The following ENOX1 variants were observed in gnomAD, a reference collection of about 807,000 sequenced individuals.
ENOX1 encodes ecto-NOX disulfide-thiol exchanger 1, also known as candidate growth-related and time keeping constitutive hydroquinone (NADH) oxidase.
Under a neutral mutation model 82.5 loss-of-function variants are expected in ENOX1, and 42 were observed. The ratio of observed to expected loss-of-function variants is 0.51; its 90% CI spans 0.40 to 0.66. The LOEUF (loss-of-function observed/expected upper bound fraction) is 0.66, where lower values mean the gene tolerates loss of function less well. Ranked by LOEUF, ENOX1 falls within the 30% of genes least tolerant of loss-of-function variation. The pLI, the probability that ENOX1 is intolerant of heterozygous loss-of-function variation, is 0.00. For synonymous variants in ENOX1, 271 were observed against 282.2 expected (o/e 0.96, Z 0.40); for missense variants, 608 against 811.6 (o/e 0.75, Z 3.05).
chr13:43,641,160 T>C (rs1306549085), intron 2 of ENOX1, among the ~76,000 whole-genome samples: 1 of 152,156 alleles, frequency 6.6e-6, no homozygotes, highest in East Asian at 1.9e-4. Context: ...TCAAGGTATA[T>C]CTGATCAGGA....
At chr13:43,256,469 CAAAT>C (rs2043752111) in intron 14 of ENOX1, among the ~76,000 whole-genome samples, 1 of 151,924 alleles carries the variant, frequency 6.6e-6, no homozygotes, top group Non-Finnish European at 1.5e-5. Flanking sequence ...AGCAAAAAGA[CAAAT>C]AATCTGATTA....
chr13:43,690,827 C>T (rs1055450320), intron 1 of ENOX1, among the ~76,000 whole-genome samples: 11 of 152,132 alleles, frequency 7.2e-5, no homozygotes, highest in African/African-American at 2.7e-4. Context: ...AACTGAGAAA[C>T]CACTACTTGT....
At chr13:43,493,953 G>A (rs112979793) in intron 2 of ENOX1, among the ~76,000 whole-genome samples, 2,012 of 152,232 alleles carry the variant, frequency 0.013, 45 homozygotes, top group African/African-American at 0.046. Flanking sequence ...AAGGTAAAGG[G>A]GAAGCAAGGC....
intron 5 of ENOX1, among the ~76,000 whole-genome samples, chr13:43,369,655 G>A (rs1184796302): frequency 3.3e-5 from 5 of 152,178 alleles, no homozygotes; most frequent in Non-Finnish European, 7.3e-5. Context: ...TGCATTTTCC[G>A]TTCAGTTTTC....
chr13:43,494,932 C>T (rs1223215617), intron 2 of ENOX1, among the ~76,000 whole-genome samples: 2 of 151,880 alleles, frequency 1.3e-5, no homozygotes, highest in Non-Finnish European at 2.9e-5. Context: ...ATGCAGTCAA[C>T]AATTATAGGA....
intron 1 of ENOX1, among the ~76,000 whole-genome samples, chr13:43,680,808 A>G (rs1287057088): frequency 2.6e-5 from 4 of 152,202 alleles, no homozygotes; most frequent in Non-Finnish European, 5.9e-5. Flanking sequence ...AACTGAAGCT[A>G]TAACAGATGT....
At chr13:43,692,772 A>G (rs1352398191) in intron 1 of ENOX1, among the ~76,000 whole-genome samples, 1 of 152,196 alleles carries the variant, frequency 6.6e-6, no homozygotes, top group African/African-American at 2.4e-5. Flanking sequence ...AAATACTCTG[A>G]GTTATTGAAG....
At chr13:43,559,005 C>A (rs2079557108) in intron 2 of ENOX1, among the ~76,000 whole-genome samples, 1 of 152,188 alleles carries the variant, frequency 6.6e-6, no homozygotes. Context: ...CTCTTCTCTG[C>A]AAACCACTCG....
intron 2 of ENOX1, among the ~76,000 whole-genome samples, chr13:43,540,208 C>CGGG (rs1312804226): frequency 1.1e-4 from 16 of 152,108 alleles, no homozygotes; most frequent in African/African-American, 3.4e-4. Flanking sequence ...CTATTCTGAA[C>CGGG]CAAGTATCAG....
At chr13:43,368,034 A>ATGT (rs2050963970) in intron 5 of ENOX1, among the ~76,000 whole-genome samples, 1 of 152,252 alleles carries the variant, frequency 6.6e-6, no homozygotes, top group South Asian at 2.1e-4. Flanking sequence ...CACACAGATT[A>ATGT]TGTTAACATA....
chr13:43,337,752 T>C (rs756836469), intron 9 of ENOX1, among the ~76,000 whole-genome samples: 5 of 151,364 alleles, frequency 3.3e-5, no homozygotes, highest in Non-Finnish European at 7.4e-5. Flanking sequence ...CACACACACA[T>C]ACACACACAC....
chr13:43,592,067 CA>C (rs1354598476), intron 2 of ENOX1, among the ~76,000 whole-genome samples: 1 of 152,186 alleles, frequency 6.6e-6, no homozygotes, highest in Non-Finnish European at 1.5e-5. Flanking sequence ...CCCTAATGAT[CA>C]CAATGCTTTC....
At chr13:43,413,613 T>C (rs1349766732) in intron 3 of ENOX1, among the ~76,000 whole-genome samples, 2 of 151,360 alleles carry the variant, frequency 1.3e-5, no homozygotes, top group African/African-American at 4.8e-5. Flanking sequence ...TTTGGTTTTT[T>C]CAGCTCATTG....
intron 14 of ENOX1, among the ~76,000 whole-genome samples, chr13:43,251,050 C>A (rs1311958988): frequency 6.6e-6 from 1 of 152,118 alleles, no homozygotes; most frequent in African/African-American, 2.4e-5. Context: ...GGGTAGGGCC[C>A]AGCAATCTGT....
chr13:43,443,042 T>A lies in ENOX1; in HGVS notation c.-74-30054A>T, dbSNP rs544165636. Among the ~76,000 whole-genome samples the A allele has an allele frequency of 6.7e-4, 102 of 152,312 alleles. 1 individual carries two copies. Among genetic ancestry groups the A allele is most frequent in the African/African-American group, 2.3e-3 (97 of 41,558 alleles). The stretch of plus-strand genomic sequence containing the variant: ...TCATTCTGGGAAAAATACTACCCTA[T>A]AAAAGCCACATCCTCTGATAAGTTC... On this transcript the variant is annotated intron_variant, in intron 3 of 16. Coordinates refer to ENST00000690772, the MANE Select transcript of ENOX1 (RefSeq NM_001347969.2).
At chr13:43,319,551 A>G (rs2047692867) in intron 11 of ENOX1, among the ~76,000 whole-genome samples, 1 of 152,158 alleles carries the variant, frequency 6.6e-6, no homozygotes, top group South Asian at 2.1e-4. Context: ...AATTATTTCC[A>G]TCTCTTCCCT....
chr13:43,412,628 A>T (rs2054201988), intron 4 of ENOX1, among the ~76,000 whole-genome samples: 1 of 152,276 alleles, frequency 6.6e-6, no homozygotes, highest in Non-Finnish European at 1.5e-5. Context: ...AATCAAATTT[A>T]AAAACAGGTA....
intron 5 of ENOX1, among the ~76,000 whole-genome samples, chr13:43,363,866 G>T (rs541397734): frequency 6.6e-6 from 1 of 152,192 alleles, no homozygotes; most frequent in Admixed American, 6.5e-5. Flanking sequence ...TACCACTCTT[G>T]TACAACGTAT....
intron 2 of ENOX1, among the ~76,000 whole-genome samples, chr13:43,515,850 C>G (rs1382304625): frequency 1.3e-5 from 2 of 152,296 alleles, no homozygotes; most frequent in Admixed American, 6.5e-5. Flanking sequence ...CAGCTGTTCT[C>G]CCTGCTAACA....
Sources: allele counts gnomAD v4.1 joint callset (sites outside exome capture counted in the v4.1 genomes callset), GRCh38; gene constraint gnomAD v4.1.1; transcripts MANE v1.5; gene names NCBI Gene and HGNC (gene_info 2026-07-23, HGNC 2026-07-21).